The following PACRG variants were observed in gnomAD, a reference collection of about 807,000 sequenced individuals.
The protein encoded by PACRG is parkin coregulated, also known as parkin coregulated gene protein.
PACRG carries 29 observed loss-of-function variants against 29.7 expected under a neutral mutation model. The ratio of observed to expected loss-of-function variants is 0.98; its 90% confidence interval spans 0.73 to 1.33. The LOEUF is 1.33. PACRG is among the 40% of genes most tolerant of loss of function. The probability of loss-of-function intolerance (pLI) is 0.00; values close to 1 mark genes in which losing one functional copy is unlikely to be tolerated. For missense variants in PACRG, 279 were observed against 316.2 expected, an observed-to-expected ratio of 0.88 and a Z score of 0.89; for synonymous variants, 116 against 118.7, an observed-to-expected ratio of 0.98 and a Z score of 0.15.
chr6:162,807,180 G>A (rs937331269), intron 1 of PACRG, among the ~76,000 whole-genome samples: 6 of 152,190 alleles, frequency 3.9e-5, no homozygotes, highest in African/African-American at 9.6e-5. Context: ...AGAATGTTGT[G>A]GCTGGTTTGA....
chr6:163,096,991 A>G (rs1814653257), intron 4 of PACRG, among the ~76,000 whole-genome samples: 1 of 152,192 alleles, frequency 6.6e-6, no homozygotes, highest in Non-Finnish European at 1.5e-5. Flanking sequence ...CAACCCAGAC[A>G]AACTTTCACT....
chr6:162,730,422 C>T (rs755889718), intron 1 of PACRG, among the ~76,000 whole-genome samples: 1 of 152,082 alleles, frequency 6.6e-6, no homozygotes. Context: ...CAAGAGCCAA[C>T]ACCCTCCAAA....
At chr6:162,809,612 A>G (rs1462333025) in intron 1 of PACRG, among the ~76,000 whole-genome samples, 2 of 152,204 alleles carry the variant, frequency 1.3e-5, no homozygotes, top group African/African-American at 4.8e-5. Flanking sequence ...AGAATCAGAA[A>G]GATTGGAGTA....
At chr6:162,732,047 G>C (rs566218821) in intron 1 of PACRG, among the ~76,000 whole-genome samples, 7 of 152,276 alleles carry the variant, frequency 4.6e-5, no homozygotes, top group African/African-American at 1.7e-4. Context: ...AAGGAGGAAA[G>C]TGGAAGCAGA....
At chr6:163,122,134 G>A (rs1816307517) in intron 4 of PACRG, among the ~76,000 whole-genome samples, 1 of 152,114 alleles carries the variant, frequency 6.6e-6, no homozygotes, top group Admixed American at 6.5e-5. Context: ...TAGTTCCATT[G>A]AGAAGAGTAG....
At chr6:163,195,104 T>C (rs1006226688) in intron 4 of PACRG, among the ~76,000 whole-genome samples, 8 of 152,098 alleles carry the variant, frequency 5.3e-5, no homozygotes, top group African/African-American at 1.9e-4. Context: ...ACTCTCACCA[T>C]GTCAAAAGGA....
intron 2 of PACRG, among the ~76,000 whole-genome samples, chr6:162,898,347 T>A: frequency 6.6e-6 from 1 of 152,126 alleles, no homozygotes; most frequent in Admixed American, 6.5e-5. Flanking sequence ...GCAGCCTGAG[T>A]CTCTGCGCGC....
At chr6:162,899,156 G>GT (rs1215024654) in intron 2 of PACRG, among the ~76,000 whole-genome samples, 1 of 152,160 alleles carries the variant, frequency 6.6e-6, no homozygotes, top group Non-Finnish European at 1.5e-5. Flanking sequence ...GTGCTGAGGG[G>GT]TTTTGCAATT....
intron 2 of PACRG, among the ~76,000 whole-genome samples, chr6:162,843,269 C>T (rs2128412504): frequency 8.3e-6 from 1 of 121,034 alleles, no homozygotes; most frequent in African/African-American, 3.2e-5. Context: ...TCACATAGTC[C>T]CATATTTCTT....
intron 2 of PACRG, among the ~76,000 whole-genome samples, chr6:162,834,400 A>C (rs1015611465): frequency 8.5e-5 from 13 of 152,176 alleles, no homozygotes; most frequent in Non-Finnish European, 1.5e-4. Flanking sequence ...GAATGCATAC[A>C]TAAAAGGTTA....
At chr6:163,147,183 T>C (rs1777835526) in intron 4 of PACRG, among the ~76,000 whole-genome samples, 1 of 152,078 alleles carries the variant, frequency 6.6e-6, no homozygotes, top group Admixed American at 6.6e-5. Context: ...TCTGCACATA[T>C]GATCCACACA....
chr6:163,007,856 C>T (rs534898284), intron 2 of PACRG, among the ~76,000 whole-genome samples: 1 of 152,246 alleles, frequency 6.6e-6, no homozygotes, highest in African/African-American at 2.4e-5. Flanking sequence ...AACAGAGCGG[C>T]CTTCTCACTG....
rs779016650 is a variant in PACRG, at chr6:162,858,648, T to G, written c.291+44367T>G. Among the ~76,000 whole-genome samples the G allele has an allele frequency of 2.0e-4, 30 of 152,244 alleles. 1 individual carries two copies. Among genetic ancestry groups the G allele is most frequent in the Non-Finnish European group, 3.8e-4 (26 of 68,018 alleles). On this transcript the variant is annotated intron_variant, in intron 2 of 4. Transcript: ENST00000366888. ...ATGGAGACCCAAAGAAACAGAGATGTGTGTACTTTTATGGACAGGCATGCA... is the reference window on the plus strand; with the variant it reads ...ATGGAGACCCAAAGAAACAGAGATGGGTGTACTTTTATGGACAGGCATGCA...
At chr6:162,775,267 T>A (rs1783553784) in intron 1 of PACRG, among the ~76,000 whole-genome samples, 1 of 152,200 alleles carries the variant, frequency 6.6e-6, no homozygotes, top group South Asian at 2.1e-4. Context: ...AATAAATTTC[T>A]ATTGTTTAAG....
chr6:163,062,600 G>A (rs944119909), intron 3 of PACRG, among the ~76,000 whole-genome samples: 3 of 152,000 alleles, frequency 2.0e-5, no homozygotes, highest in Non-Finnish European at 4.4e-5. Flanking sequence ...ATTAACTTAC[G>A]CATCCAGAGG....
At chr6:163,261,352 G>A (rs1235504224) in intron 4 of PACRG, among the ~76,000 whole-genome samples, 4 of 152,006 alleles carry the variant, frequency 2.6e-5, no homozygotes, top group South Asian at 4.1e-4. Context: ...CTATCAACCC[G>A]TCATCTAGGT....
chr6:163,243,149 G>GTATC (rs1782565703), intron 4 of PACRG, among the ~76,000 whole-genome samples: 2 of 152,226 alleles, frequency 1.3e-5, no homozygotes, highest in Non-Finnish European at 2.9e-5. Context: ...GTTACGTGAT[G>GTATC]TATCACTGGC....
intron 4 of PACRG, among the ~76,000 whole-genome samples, chr6:163,178,531 TTC>T (rs1207294816): frequency 6.6e-6 from 1 of 152,194 alleles, no homozygotes; most frequent in Non-Finnish European, 1.5e-5. Flanking sequence ...AGCCCCGTTC[TTC>T]TCTGACTTCA....
chr6:163,105,539 A>G (rs1267371640), intron 4 of PACRG, among the ~76,000 whole-genome samples: 1 of 152,208 alleles, frequency 6.6e-6, no homozygotes, highest in Admixed American at 6.5e-5. Context: ...AAAACTGCTT[A>G]AAGTTTGGGA....
Sources: allele counts gnomAD v4.1 joint callset (sites outside exome capture counted in the v4.1 genomes callset), GRCh38; gene constraint gnomAD v4.1.1; transcripts MANE v1.5; gene names NCBI Gene and HGNC (gene_info 2026-07-23, HGNC 2026-07-21).